The following SYNPR variants were observed in gnomAD, a reference collection of about 807,000 sequenced individuals.
The protein encoded by SYNPR is synaptoporin.
Under a neutral mutation model 32.9 loss-of-function variants are expected in SYNPR, and 23 were observed. The ratio of observed to expected loss-of-function variants is 0.70; its 90% CI spans 0.50 to 0.99. The LOEUF is 0.99. SYNPR is among the 50% of genes least tolerant of loss of function. SYNPR has a pLI of 0.00. For missense variants in SYNPR, 318 were observed against 349.3 expected (o/e 0.91, Z 0.71); for synonymous variants, 146 against 135.9 (o/e 1.07, Z -0.52).
At chr3:63,528,066 T>G (rs1702047977) in intron 3 of SYNPR, among the ~76,000 whole-genome samples, 1 of 152,202 alleles carries the variant, frequency 6.6e-6, no homozygotes, top group African/African-American at 2.4e-5. Flanking sequence ...TATCTGATTT[T>G]GAGAAAAATC....
chr3:63,312,329 T>C (rs910896507), intron 2 of SYNPR, among the ~76,000 whole-genome samples: 6 of 152,080 alleles, frequency 3.9e-5, no homozygotes, highest in African/African-American at 1.4e-4. Context: ...TAAATTTCTA[T>C]TATTAAAACT....
chr3:63,411,535 A>C (rs774270803), intron 2 of SYNPR, among the ~76,000 whole-genome samples: 3 of 152,176 alleles, frequency 2.0e-5, no homozygotes, highest in Admixed American at 6.6e-5. Flanking sequence ...TTATATACAC[A>C]TAACGACCAA....
intron 3 of SYNPR, among the ~76,000 whole-genome samples, chr3:63,271,809 T>C (rs2086537524): frequency 6.6e-6 from 1 of 152,078 alleles, no homozygotes; most frequent in Non-Finnish European, 1.5e-5. Flanking sequence ...TCTATATATA[T>C]CTATATATTT....
intron 2 of SYNPR, among the ~76,000 whole-genome samples, chr3:63,417,539 C>T (rs886596708): frequency 2.0e-5 from 3 of 152,232 alleles, no homozygotes; most frequent in African/African-American, 7.2e-5. Context: ...GGGGCTCCCA[C>T]CCTACATTTC....
At chr3:63,579,533 C>T (rs370576394) in intron 4 of SYNPR, among the ~76,000 whole-genome samples, 64 of 152,198 alleles carry the variant, frequency 4.2e-4, no homozygotes, top group African/African-American at 1.4e-3. Context: ...CATTGTCTGT[C>T]CCCTACACAA....
intron 3 of SYNPR, among the ~76,000 whole-genome samples, chr3:63,491,931 T>C (rs1251796023): frequency 6.6e-6 from 1 of 152,184 alleles, no homozygotes; most frequent in Non-Finnish European, 1.5e-5. Flanking sequence ...TTTTTGTTTT[T>C]TTCAAAAATG....
At chr3:63,437,571 AAAG>A (rs1700106720) in intron 2 of SYNPR, among the ~76,000 whole-genome samples, 1 of 151,742 alleles carries the variant, frequency 6.6e-6, no homozygotes, top group Non-Finnish European at 1.5e-5. Flanking sequence ...ACAGAGAAAG[AAAG>A]AAGAGTGAGA....
intron 2 of SYNPR, among the ~76,000 whole-genome samples, chr3:63,408,677 C>T (rs945207992): frequency 6.6e-6 from 1 of 152,146 alleles, no homozygotes; most frequent in African/African-American, 2.4e-5. Context: ...AGAGAGCACA[C>T]ATTCACCTTT....
At chr3:63,534,023 G>C (rs1702157467) in intron 3 of SYNPR, among the ~76,000 whole-genome samples, 1 of 152,164 alleles carries the variant, frequency 6.6e-6, no homozygotes, top group East Asian at 1.9e-4. Context: ...CTTACAGCTA[G>C]TAGGAAATAT....
chr3:63,365,682 T>C (rs1377625874), intron 2 of SYNPR, among the ~76,000 whole-genome samples: 10 of 152,192 alleles, frequency 6.6e-5, no homozygotes, highest in Non-Finnish European at 1.5e-5. Context: ...TTTCGTTAAT[T>C]TGAGGAAAAG....
intron 2 of SYNPR, among the ~76,000 whole-genome samples, chr3:63,353,602 G>A (rs1300247817): frequency 6.6e-6 from 1 of 152,186 alleles, no homozygotes; most frequent in Admixed American, 6.5e-5. Context: ...GTCCTAGGCA[G>A]TCACAGTCCT....
At chr3:63,486,946 G>T (rs1701167455) in intron 3 of SYNPR, among the ~76,000 whole-genome samples, 1 of 152,208 alleles carries the variant, frequency 6.6e-6, no homozygotes, top group Admixed American at 6.5e-5. Context: ...GATTTTGGAG[G>T]TGCTGCATGG....
intron 2 of SYNPR, among the ~76,000 whole-genome samples, chr3:63,362,065 A>G (rs940261578): frequency 7.9e-5 from 12 of 152,184 alleles, no homozygotes; most frequent in African/African-American, 2.7e-4. Context: ...TGAGAGTGAT[A>G]CATGCTCCTT....
At chr3:63,350,060 G>A (rs2087485123) in intron 2 of SYNPR, among the ~76,000 whole-genome samples, 1 of 152,114 alleles carries the variant, frequency 6.6e-6, no homozygotes, top group Admixed American at 6.5e-5. Context: ...GATAAGAAGA[G>A]CTAACATATC....
chr3:63,420,503 T>C (rs72883802), intron 2 of SYNPR, among the ~76,000 whole-genome samples: 12,631 of 152,092 alleles, frequency 0.083, 809 homozygotes, highest in African/African-American at 0.18. Flanking sequence ...TCTTTCTTTA[T>C]AGAAAAAAAA....
rs1221688586 is a variant in SYNPR, at chr3:63,580,916, C to A, written c.408+24175C>A. On this transcript the variant is annotated intron_variant, in intron 4 of 5. Coordinates refer to ENST00000478300, the MANE Select transcript of SYNPR (RefSeq NM_001130003.2). Reference sequence around the variant, plus strand: ...TATGTTACATGTCATTTAATCTTCACAACAGTTTTGTGAGGTAGGTAGTAT... The same window carrying A: ...TATGTTACATGTCATTTAATCTTCAAAACAGTTTTGTGAGGTAGGTAGTAT... 1.3e-5 allele frequency among the ~76,000 whole-genome samples: 2 copies of A among 152,146 alleles called. 1 individual carries two copies. The highest frequency in any genetic ancestry group is 4.1e-4 in the South Asian group (2 of 4,838).
chr3:63,514,421 G>A (rs1211241365), intron 3 of SYNPR, among the ~76,000 whole-genome samples: 2 of 152,172 alleles, frequency 1.3e-5, no homozygotes, highest in Non-Finnish European at 1.5e-5. Flanking sequence ...ATCTCTGCCT[G>A]TTGTCCCTGC....
At chr3:63,535,852 A>C (rs1702195860) in intron 3 of SYNPR, among the ~76,000 whole-genome samples, 2 of 152,084 alleles carry the variant, frequency 1.3e-5, no homozygotes, top group South Asian at 2.1e-4. Context: ...TATAGGAGTA[A>C]ATTTTTATGA....
intron 2 of SYNPR, among the ~76,000 whole-genome samples, chr3:63,253,130 T>G (rs949939110): frequency 6.6e-6 from 1 of 152,100 alleles, no homozygotes; most frequent in African/African-American, 2.4e-5. Flanking sequence ...TATAGAACTG[T>G]TTTTAGAGTT....
Sources: allele counts gnomAD v4.1 joint callset (sites outside exome capture counted in the v4.1 genomes callset), GRCh38; gene constraint gnomAD v4.1.1; transcripts MANE v1.5; gene names NCBI Gene and HGNC (gene_info 2026-07-23, HGNC 2026-07-21).